Variants in CTNNA2 observed in about 807,000 individuals in gnomAD.
The protein encoded by CTNNA2 is catenin alpha-2.
A neutral mutation model predicts 101.0 loss-of-function variants in CTNNA2; 42 were observed. The observed-to-expected ratio is 0.42, with a 90% CI of 0.32 to 0.54. The LOEUF is 0.54. CTNNA2 is among the 20% of genes least tolerant of loss of function. The probability of loss-of-function intolerance (pLI) is 0.14; values close to 1 mark genes in which losing one functional copy is unlikely to be tolerated. For synonymous variants in CTNNA2, 450 were observed against 456.4 expected, an observed-to-expected ratio of 0.99 and a Z score of 0.18; for missense variants, 871 against 1,223.1, an observed-to-expected ratio of 0.71 and a Z score of 4.29.
chr2:80,389,699 T>C (rs748179277), intron 7 of CTNNA2, among the ~76,000 whole-genome samples: 1 of 152,192 alleles, frequency 6.6e-6, no homozygotes, highest in Non-Finnish European at 1.5e-5. Flanking sequence ...AAATACCTTA[T>C]TTTTTAAAAT....
chr2:80,544,591 T>C (rs1359453113), intron 9 of CTNNA2, among the ~76,000 whole-genome samples: 1 of 152,136 alleles, frequency 6.6e-6, no homozygotes. Flanking sequence ...TAATTGCCTG[T>C]AGCATTCTTC....
At chr2:79,752,178 C>A (rs1228742816) in intron 3 of CTNNA2, among the ~76,000 whole-genome samples, 1 of 151,904 alleles carries the variant, frequency 6.6e-6, no homozygotes, top group African/African-American at 2.4e-5. Flanking sequence ...GAGAGGAGAA[C>A]AGAGGGATGA....
intron 7 of CTNNA2, among the ~76,000 whole-genome samples, chr2:80,202,273 C>A (rs1037991889): frequency 6.6e-6 from 1 of 152,170 alleles, no homozygotes; most frequent in African/African-American, 2.4e-5. Context: ...GAAATAGGCT[C>A]CAGGACACTG....
intron 7 of CTNNA2, among the ~76,000 whole-genome samples, chr2:79,969,757 T>C (rs1201943438): frequency 1.4e-5 from 2 of 146,922 alleles, no homozygotes; most frequent in African/African-American, 2.5e-5. Context: ...CCAGTGATTA[T>C]TGAAATAAAG....
intron 6 of CTNNA2, among the ~76,000 whole-genome samples, chr2:79,883,435 C>G (rs936287434): frequency 5.9e-5 from 9 of 152,182 alleles, no homozygotes; most frequent in African/African-American, 9.6e-5. Context: ...TAACAACTTG[C>G]AACTGTCAAG....
chr2:79,570,481 A>C (rs1486157108), intron 1 of CTNNA2, among the ~76,000 whole-genome samples: 2 of 152,162 alleles, frequency 1.3e-5, no homozygotes, highest in Non-Finnish European at 2.9e-5. Flanking sequence ...CAATTTAGAT[A>C]AGGGAATTAA....
At chr2:80,370,067 C>T (rs767196645) in intron 7 of CTNNA2, among the ~76,000 whole-genome samples, 4 of 152,138 alleles carry the variant, frequency 2.6e-5, no homozygotes, top group Non-Finnish European at 5.9e-5. Flanking sequence ...AACACTTAAA[C>T]GATAGCTCAC....
At position 79,909,590 on chromosome 2, in the gene CTNNA2, T is replaced by A. The variant is rs769501167; in HGVS notation, c.853-4T>A. ...TTTTGTGTGTGTGTGTGTGATACTT[T>A]CAGAATAAGATTATCCTGGACCCCA... is the stretch of plus-strand genomic sequence containing the variant. On this transcript the variant is annotated splice_region_variant and splice_polypyrimidine_tract_variant and intron_variant, in intron 6 of 18. Coordinates refer to ENST00000402739, the MANE Select transcript of CTNNA2 (RefSeq NM_001282597.3). 1.9e-6 allele frequency: 3 copies of A among 1,598,774 alleles called. No homozygotes were observed. Among genetic ancestry groups the A allele is most frequent in the Non-Finnish European group, 1.7e-6 (2 of 1,168,452 alleles).
chr2:80,060,520 T>C (rs1336497256), intron 7 of CTNNA2, among the ~76,000 whole-genome samples: 1 of 152,008 alleles, frequency 6.6e-6, no homozygotes, highest in Non-Finnish European at 1.5e-5. Flanking sequence ...CAAGACCCCA[T>C]GACCTGGCTC....
At chr2:79,281,208 T>C (rs906614231) in intron 2 of CTNNA2, among the ~76,000 whole-genome samples, 3 of 152,112 alleles carry the variant, frequency 2.0e-5, no homozygotes, top group African/African-American at 7.2e-5. Flanking sequence ...TATGTCATGG[T>C]CCAAGGGTGG....
Position 79,977,222 on chromosome 2 carries a change from GCACA to G in CTNNA2, c.1056+67457_1056+67460del, listed in dbSNP as rs72018840. Among the ~76,000 whole-genome samples, 815 of 144,830 alleles carry G rather than the reference GCACA, an allele frequency of 5.6e-3. 7 individuals carry two copies. The highest frequency in any genetic ancestry group is 0.015 in the East Asian group (73 of 4,862). On this transcript the variant is annotated intron_variant, in intron 7 of 18. Transcript: ENST00000402739. Reference sequence around the variant, plus strand: ...CACACACGTGCACATGCATATGCATGCACACACACACACACACACACACACACAC... The same window carrying G: ...CACACACGTGCACATGCATATGCATGCACACACACACACACACACACACAC...
intron 1 of CTNNA2, among the ~76,000 whole-genome samples, chr2:79,533,825 A>G (rs1268155751): frequency 6.6e-6 from 1 of 152,180 alleles, no homozygotes; most frequent in African/African-American, 2.4e-5. Context: ...AGGAAACAAC[A>G]AAACACAATT....
In CTNNA2 at chr2:79,395,042, G is replaced by T. The variant is rs78498543; in HGVS notation, c.-135+21029G>T. Among the ~76,000 whole-genome samples, 880 of 152,230 alleles carry T rather than the reference G, an allele frequency of 5.8e-3. 8 individuals are homozygous for T. The highest frequency in any genetic ancestry group is 0.033 in the South Asian group (160 of 4,820). On this transcript the variant is annotated intron_variant, in intron 4 of 21. Coordinates refer to the CTNNA2 transcript ENST00000466387. ...ATTAACAGTTATTAACCATGCCTCTGTGATAGATTCGTTGCTAAGGGTTTT... is the reference window on the plus strand; with the variant it reads ...ATTAACAGTTATTAACCATGCCTCTTTGATAGATTCGTTGCTAAGGGTTTT...
chr2:80,045,094 G>A (rs933337551), intron 7 of CTNNA2, among the ~76,000 whole-genome samples: 1 of 152,186 alleles, frequency 6.6e-6, no homozygotes, highest in African/African-American at 2.4e-5. Context: ...CAGGGCAGCT[G>A]GACTTCAGAA....
At chr2:80,130,651 G>A (rs1398718562) in intron 7 of CTNNA2, among the ~76,000 whole-genome samples, 3 of 152,150 alleles carry the variant, frequency 2.0e-5, no homozygotes, top group Admixed American at 6.5e-5. Flanking sequence ...GCGGGAGGTG[G>A]CTAGAACCTA....
At chr2:80,086,578 G>A (rs535324178) in intron 7 of CTNNA2, among the ~76,000 whole-genome samples, 6 of 152,124 alleles carry the variant, frequency 3.9e-5, no homozygotes, top group Admixed American at 6.6e-5. Flanking sequence ...TCATGGAATT[G>A]GGCCTAGGCT....
At chr2:80,511,093 T>G (rs991186082) in intron 9 of CTNNA2, among the ~76,000 whole-genome samples, 1 of 152,190 alleles carries the variant, frequency 6.6e-6, no homozygotes, top group Non-Finnish European at 1.5e-5. Context: ...AGTTTTTGCT[T>G]TGGGTATCCA....
chr2:79,545,722 G>A (rs1042929930), intron 1 of CTNNA2, among the ~76,000 whole-genome samples: 4 of 152,050 alleles, frequency 2.6e-5, no homozygotes, highest in African/African-American at 7.2e-5. Context: ...GATAACTCTC[G>A]ATTTAGGCAA....
At chr2:79,250,938 T>C (rs1317203401) in intron 2 of CTNNA2, among the ~76,000 whole-genome samples, 1 of 152,138 alleles carries the variant, frequency 6.6e-6, no homozygotes, top group Non-Finnish European at 1.5e-5. Context: ...AAAATAAAAA[T>C]AACTACCCCA....
Sources: allele counts gnomAD v4.1 joint callset (sites outside exome capture counted in the v4.1 genomes callset), GRCh38; gene constraint gnomAD v4.1.1; transcripts MANE v1.5; gene names NCBI Gene and HGNC (gene_info 2026-07-23, HGNC 2026-07-21).